The following MLPH variants were observed in gnomAD, a reference collection of about 807,000 sequenced individuals.
The protein encoded by MLPH is melanophilin, also known as exophilin-3.
In MLPH, 51 loss-of-function variants were observed where a neutral mutation model predicts 72.1. That is an observed-to-expected ratio of 0.71 (90% confidence interval 0.56 to 0.89). The LOEUF (loss-of-function observed/expected upper bound fraction) is 0.89, where lower values mean the gene tolerates loss of function less well. Among genes scored for constraint, MLPH ranks in the 40% least tolerant of loss-of-function variants. MLPH has a pLI of 0.00. For missense variants in MLPH, 743 were observed against 759.9 expected, an observed-to-expected ratio of 0.98 and a Z score of 0.26; for synonymous variants, 301 against 310.1, an observed-to-expected ratio of 0.97 and a Z score of 0.31.
chr2:237,546,831 C>G, intron 13 of MLPH, 148 bp downstream of exon 13: 1 of 740,740 alleles, frequency 1.3e-6, no homozygotes, highest in South Asian at 1.5e-5. Context: ...TGCCACAACA[C>G]CGTGGCAACT....
rs542179219 is a variant in MLPH at position 237,547,910 on chromosome 2, G to A, written c.1617+1227G>A. 2.6e-5 allele frequency among the ~76,000 whole-genome samples: 4 copies of A among 152,236 alleles called. No individual in the cohort carries two copies. The East Asian group carries it at 7.7e-4, about 29-fold the overall frequency. ...AGAGGTACCATGGCCAGCGCCCCAGGAGGAATGGGCTTTAGCTTCAGGCCT... is the reference window on the plus strand; with the variant it reads ...AGAGGTACCATGGCCAGCGCCCCAGAAGGAATGGGCTTTAGCTTCAGGCCT... On this transcript the variant is annotated intron_variant, in intron 13 of 15. Coordinates refer to ENST00000264605, the MANE Select transcript of MLPH (RefSeq NM_024101.7).
intron 2 of MLPH, among the ~76,000 whole-genome samples, chr2:237,499,057 A>G (rs2079594080): frequency 6.7e-6 from 1 of 150,350 alleles, no homozygotes; most frequent in Non-Finnish European, 1.5e-5. Flanking sequence ...TATTGGAATA[A>G]ATTGCCAATG....
chr2:237,502,281 C>A (rs1414462023), intron 2 of MLPH, among the ~76,000 whole-genome samples: 1 of 152,144 alleles, frequency 6.6e-6, no homozygotes, highest in Non-Finnish European at 1.5e-5. Flanking sequence ...CCAAAGTAAA[C>A]CTTCTTGAAG....
chr2:237,501,665 A>C lies in MLPH; in HGVS notation c.110+8129A>C, dbSNP rs1450454429. 8.2e-4 allele frequency among the ~76,000 whole-genome samples: 60 copies of C among 72,794 alleles called. 1 individual carries two copies. In the African/African-American group the frequency reaches 8.7e-3, roughly 11 times the overall value. 47.8% of individuals were successfully genotyped at this position (72,794 alleles called of 152,430 possible). On this transcript the variant is annotated intron_variant, in intron 2 of 15. Coordinates refer to ENST00000264605, the MANE Select transcript of MLPH (RefSeq NM_024101.7). ...AACATAGTGAAACCACGTCTCTACT[A>C]AAAAAAAAAAAAAAAAAAAAAAAAT...
chr2:237,545,697 A>T lies in MLPH; in HGVS notation c.1540-909A>T, dbSNP rs1317126. On this transcript the variant is annotated intron_variant, in intron 12 of 15. Coordinates refer to ENST00000264605, the MANE Select transcript of MLPH (RefSeq NM_024101.7). ...TCCCATTCAGGAATCTTCAGACAAA[A>T]CCATCCTGATTAGGACATTTGGCAA... 18,867 of 1,206,694 alleles carry T rather than the reference A, an allele frequency of 0.016. 1,938 individuals are homozygous for T. In the African/African-American group the frequency reaches 0.24, roughly 16 times the overall value. 74.7% of individuals were successfully genotyped at this position (1,206,694 alleles called of 1,614,324 possible).
At chr2:237,488,616 C>T (rs2079367902) in intron 1 of MLPH, among the ~76,000 whole-genome samples, 2 of 152,178 alleles carry the variant, frequency 1.3e-5, no homozygotes, top group Non-Finnish European at 2.9e-5. Context: ...AGAACAGTAG[C>T]AGGTGCCTCA....
At chr2:237,520,179 G>A (rs988865852) in intron 6 of MLPH, 150 bp downstream of exon 6, 17 of 1,004,526 alleles carry the variant, frequency 1.7e-5, no homozygotes, top group East Asian at 7.7e-5. Flanking sequence ...GAAGGGGACC[G>A]ATGTGGGAAG....
intron 2 of MLPH, among the ~76,000 whole-genome samples, chr2:237,504,743 C>T (rs939102268): frequency 6.6e-5 from 10 of 152,172 alleles, no homozygotes; most frequent in South Asian, 2.1e-4. Flanking sequence ...TACCATCCAG[C>T]GACCCCTCTA....
chr2:237,512,364 G>A lies in MLPH; in HGVS notation c.445+1263G>A, dbSNP rs529255147. On this transcript the variant is annotated intron_variant, in intron 4 of 15. Coordinates refer to ENST00000264605, the MANE Select transcript of MLPH (RefSeq NM_024101.7). This position sits in a 1 kb window ranked among gnomAD's most constrained non-coding sequence, Gnocchi z 5.5. ...TCGTTTAATTTAGGACAGAGGCCAC[G>A]GAGAGGCACCGCTGGAGCAGTACAC... is the stretch of plus-strand genomic sequence containing the variant. Among the ~76,000 whole-genome samples, 15 of 152,196 alleles carry A rather than the reference G, an allele frequency of 9.9e-5. No individual in the cohort carries two copies. Among genetic ancestry groups the A allele is most frequent in the Non-Finnish European group, 2.1e-4 (14 of 68,048 alleles).
At position 237,519,946 on chromosome 2, in the gene MLPH, G is replaced by C. The variant is rs371642307; in HGVS notation, c.592G>C (p.Glu198Gln). 1 of 1,613,974 alleles carries C rather than the reference G, an allele frequency of 6.2e-7. No homozygotes were observed. The highest frequency in any genetic ancestry group is 8.5e-7 in the Non-Finnish European group (1 of 1,180,002). Residue 198 changes from glutamate to glutamine, a missense_variant, in exon 6 of 16, where the codon GAG becomes CAG. Glu to Gln is a conservative substitution (Grantham distance 29). Transcript: ENST00000264605. Reference protein sequence around the residue: ...RLLSVHDFDFEGDSDDSTQPQ... With the variant: ...RLLSVHDFDFQGDSDDSTQPQ... ...CCTCTCCGTCCACGACTTCGACTTCGAGGGAGACTCAGATGACTCCACTCA... is the reference window on the plus strand; with the variant it reads ...CCTCTCCGTCCACGACTTCGACTTCCAGGGAGACTCAGATGACTCCACTCA...
intron 12 of MLPH, among the ~76,000 whole-genome samples, chr2:237,545,188 C>CAGTGGTGAGTGGAGGGG (rs1559377413): frequency 6.9e-4 from 6 of 8,738 alleles, no homozygotes; most frequent in East Asian, 4.0e-3. Context: ...GAGTGGAGGG[C>CAGTGGTGAGTGGAGGGG]ACAGTGGTGA....
intron 1 of MLPH, among the ~76,000 whole-genome samples, chr2:237,493,112 T>A (rs900611810): frequency 5.3e-5 from 8 of 152,122 alleles, no homozygotes; most frequent in Admixed American, 2.6e-4. Flanking sequence ...GATGGGGAGA[T>A]CACTGACGTT....
chr2:237,528,495 C>T (rs76138301), intron 8 of MLPH, among the ~76,000 whole-genome samples: 2,629 of 151,986 alleles, frequency 0.017, 46 homozygotes, highest in South Asian at 0.066. Flanking sequence ...GGAATACAGG[C>T]GTGCACCACC....
Position 237,534,633 on chromosome 2 carries a change from C to T in MLPH, c.1090C>T (p.Pro364Ser). The T allele has an allele frequency of 4.3e-6, 7 of 1,613,668 alleles. No homozygotes were observed. Among genetic ancestry groups the T allele is most frequent in the Non-Finnish European group, 5.1e-6 (6 of 1,179,688 alleles). Reference protein sequence around the residue: ...LLTYLENTVVPPLAKGLGAGV... With the variant: ...LLTYLENTVVSPLAKGLGAGV... ...GACCTACCTGGAGAACACAGTTGTG[C>T]CTCCCTTGGCCAAGGTAACACTGGG... The change falls in exon 9 of 16, where the codon CCT becomes TCT. Residue 364 changes from proline to serine, a missense_variant. Transcript: ENST00000264605.
chr2:237,499,514 T>C (rs920956381), intron 2 of MLPH, among the ~76,000 whole-genome samples: 4 of 152,010 alleles, frequency 2.6e-5, no homozygotes, highest in African/African-American at 9.7e-5. Flanking sequence ...CTGCTGGAAG[T>C]CATCATAAGG....
chr2:237,506,091 C>T (rs141008141), intron 2 of MLPH, among the ~76,000 whole-genome samples: 41 of 152,352 alleles, frequency 2.7e-4, no homozygotes, highest in African/African-American at 9.4e-4. Flanking sequence ...AGTTCTCAAA[C>T]CTTTGGGCCT....
intron 8 of MLPH, among the ~76,000 whole-genome samples, chr2:237,529,899 C>T (rs867207583): frequency 1.3e-5 from 2 of 152,350 alleles, no homozygotes; most frequent in Middle Eastern, 3.4e-3. Flanking sequence ...GTGGAGCTTC[C>T]CTTCGGGCCT....
At chr2:237,532,757 C>T (rs1028902732) in intron 8 of MLPH, among the ~76,000 whole-genome samples, 2 of 152,236 alleles carry the variant, frequency 1.3e-5, no homozygotes, top group Non-Finnish European at 2.9e-5. Flanking sequence ...GCTACTCCCA[C>T]CAGAGCAGTT....
chr2:237,516,941 ATAGGTGGATAGGTGGATAGATAGG>A (rs2080042050), intron 4 of MLPH, among the ~76,000 whole-genome samples: 1 of 118,530 alleles, frequency 8.4e-6, no homozygotes, highest in African/African-American at 3.9e-5. Context: ...GGATGGATGG[ATAGGTGGATAGGTGGATAGATAGG>A]TGGATGGATG....
Sources: allele counts gnomAD v4.1 joint callset (sites outside exome capture counted in the v4.1 genomes callset), GRCh38; gene constraint gnomAD v4.1.1; non-coding constraint Gnocchi (gnomAD v3.1); transcripts MANE v1.5; gene names NCBI Gene and HGNC (gene_info 2026-07-23, HGNC 2026-07-21).